The following NAV2 variants were observed in gnomAD, a reference collection of about 807,000 sequenced individuals.
The protein encoded by NAV2 is helicase, APC down-regulated 1.
In NAV2, 54 loss-of-function variants were observed where a neutral mutation model predicts 223.2. That is an observed-to-expected ratio of 0.24 (90% confidence interval 0.19 to 0.30). The LOEUF is 0.30. NAV2 is among the 10% of genes least tolerant of loss of function. The pLI is 1.00. For synonymous variants in NAV2, 1,279 were observed against 1,239.3 expected, an observed-to-expected ratio of 1.03 and a Z score of -0.67; for missense variants, 2,806 against 3,147.5, an observed-to-expected ratio of 0.89 and a Z score of 2.60.
rs566054163 is a variant in NAV2, at chr11:19,425,618, C to A, written c.75+74591C>A. ...CCCCATTATGTCACAGAATAGTGGCCAAGAAACATTATACAATGGAAAGGT... is the reference window on the plus strand; with the variant it reads ...CCCCATTATGTCACAGAATAGTGGCAAAGAAACATTATACAATGGAAAGGT... On this transcript the variant is annotated intron_variant, in intron 1 of 37. Coordinates refer to the NAV2 transcript ENST00000360655. 8.5e-5 allele frequency among the ~76,000 whole-genome samples: 13 copies of A among 152,186 alleles called. 1 individual carries two copies. In the South Asian group the frequency reaches 2.5e-3, roughly 29 times the overall value.
chr11:19,926,941 G>T (rs12786324), intron 6 of NAV2, among the ~76,000 whole-genome samples: 43 of 152,100 alleles, frequency 2.8e-4, no homozygotes, highest in East Asian at 7.8e-4. Flanking sequence ...GAGAGACCTG[G>T]GGCCAGTGTC....
chr11:19,885,486 T>G (rs1187639757), intron 5 of NAV2, among the ~76,000 whole-genome samples: 1 of 152,252 alleles, frequency 6.6e-6, no homozygotes, highest in African/African-American at 2.4e-5. Flanking sequence ...AATCTCCTTA[T>G]TATGACTGGT....
intron 1 of NAV2, among the ~76,000 whole-genome samples, chr11:19,771,877 T>G (rs1419733268): frequency 6.6e-6 from 1 of 152,128 alleles, no homozygotes; most frequent in Non-Finnish European, 1.5e-5. Flanking sequence ...CCATACATCT[T>G]ACTTTCAAAA....
At chr11:19,943,016 G>T (rs1296015367) in intron 8 of NAV2, among the ~76,000 whole-genome samples, 1 of 152,140 alleles carries the variant, frequency 6.6e-6, no homozygotes, top group African/African-American at 2.4e-5. Flanking sequence ...CTAACGGAGG[G>T]TTAAGACCAG....
chr11:19,509,476 G>A (rs1374724916), intron 1 of NAV2, among the ~76,000 whole-genome samples: 1 of 152,186 alleles, frequency 6.6e-6, no homozygotes, highest in Non-Finnish European at 1.5e-5. Context: ...AGCTTTTACT[G>A]CATTCCATAG....
chr11:20,025,421 C>T (rs2054951904), intron 11 of NAV2, among the ~76,000 whole-genome samples: 1 of 152,186 alleles, frequency 6.6e-6, no homozygotes, highest in Non-Finnish European at 1.5e-5. Context: ...CCAGCAGTGG[C>T]CCAAGGGTAA....
intron 1 of NAV2, among the ~76,000 whole-genome samples, chr11:19,693,906 T>C (rs951527137): frequency 6.6e-6 from 1 of 152,214 alleles, no homozygotes. Context: ...CTGTAAAATA[T>C]CATTAGGCCG....
intron 6 of NAV2, among the ~76,000 whole-genome samples, chr11:19,905,964 C>A (rs770600110): frequency 6.6e-6 from 1 of 152,146 alleles, no homozygotes; most frequent in African/African-American, 2.4e-5. Context: ...TTACTCACCC[C>A]TATCTTCCCA....
intron 1 of NAV2, among the ~76,000 whole-genome samples, chr11:19,756,132 G>C (rs1231442259): frequency 1.3e-5 from 2 of 152,166 alleles, no homozygotes; most frequent in Non-Finnish European, 2.9e-5. Flanking sequence ...CGGGATGGGG[G>C]CTCAGATGTT....
At chr11:19,455,819 G>A (rs965454076) in intron 1 of NAV2, among the ~76,000 whole-genome samples, 4 of 152,186 alleles carry the variant, frequency 2.6e-5, no homozygotes, top group African/African-American at 4.8e-5. Context: ...CTGTGCTGGC[G>A]AAACAGTCCC....
At chr11:19,380,825 C>A (rs192172378) in intron 1 of NAV2, among the ~76,000 whole-genome samples, 37 of 152,334 alleles carry the variant, frequency 2.4e-4, no homozygotes, top group Non-Finnish European at 1.6e-4. Context: ...GGCCAACTGT[C>A]CTGCTTTGCC....
At chr11:19,583,327 G>A (rs1187623816) in intron 1 of NAV2, among the ~76,000 whole-genome samples, 1 of 152,160 alleles carries the variant, frequency 6.6e-6, no homozygotes, top group Admixed American at 6.5e-5. Flanking sequence ...CTTCAAACAG[G>A]GACAATATGA....
chr11:20,121,321 T>G lies in NAV2; in HGVS notation c.*3063T>G, dbSNP rs1015202911. On this transcript the variant is annotated 3_prime_UTR_variant, in exon 38 of 38. Transcript: ENST00000349880. Reference sequence around the variant, plus strand: ...ATTGTAACATAGAAATTGTAAATAATTGATTAAAGTGCTGCATTTTGATGA... The same window carrying G: ...ATTGTAACATAGAAATTGTAAATAAGTGATTAAAGTGCTGCATTTTGATGA... The G allele has an allele frequency of 5.9e-5, 9 of 152,650 alleles. No individual in the cohort carries two copies. Among genetic ancestry groups the G allele is most frequent in the Admixed American group, 5.9e-4 (9 of 15,284 alleles). 9.5% of individuals were successfully genotyped at this position (152,650 alleles called of 1,614,324 possible).
At chr11:19,622,353 G>T (rs2047023871) in intron 1 of NAV2, among the ~76,000 whole-genome samples, 1 of 152,096 alleles carries the variant, frequency 6.6e-6, no homozygotes, top group African/African-American at 2.4e-5. Context: ...GTTGACAGTG[G>T]GGTGTTAAAG....
At chr11:19,507,265 G>A (rs2043149972) in intron 1 of NAV2, 1 of 152,190 alleles carries the variant, frequency 6.6e-6, no homozygotes, top group Admixed American at 6.5e-5. Flanking sequence ...GTAGTTACAG[G>A]AGTGTTGCCA....
At chr11:19,977,444 C>T (rs552978757) in intron 10 of NAV2, among the ~76,000 whole-genome samples, 108 of 152,320 alleles carry the variant, frequency 7.1e-4, no homozygotes, top group Non-Finnish European at 1.2e-3. Flanking sequence ...CTGTGTTCTT[C>T]GCTTGAATTT....
At chr11:19,774,366 A>C (rs1352307448) in intron 1 of NAV2, among the ~76,000 whole-genome samples, 2 of 152,158 alleles carry the variant, frequency 1.3e-5, no homozygotes, top group Non-Finnish European at 2.9e-5. Context: ...ATGTAGAGAC[A>C]AGGTCTCACT....
chr11:19,531,777 A>T (rs2044033932), intron 1 of NAV2, among the ~76,000 whole-genome samples: 1 of 152,232 alleles, frequency 6.6e-6, no homozygotes, highest in South Asian at 2.1e-4. Context: ...TCCAATATTT[A>T]ATCAAACCAA....
chr11:19,715,169 G>T (rs756535583), intron 1 of NAV2, among the ~76,000 whole-genome samples: 3 of 152,126 alleles, frequency 2.0e-5, no homozygotes, highest in African/African-American at 7.2e-5. Context: ...TGGAACTCTG[G>T]GCTGGAGAAG....
Sources: allele counts gnomAD v4.1 joint callset (sites outside exome capture counted in the v4.1 genomes callset), GRCh38; gene constraint gnomAD v4.1.1; transcripts MANE v1.5; gene names NCBI Gene and HGNC (gene_info 2026-07-23, HGNC 2026-07-21).